NAIP: variants seen among roughly 807,000 people sequenced by gnomAD.
NAIP encodes baculoviral IAP repeat-containing protein 1.
In NAIP, 15 loss-of-function variants were observed where a neutral mutation model predicts 23.0. That is an observed-to-expected ratio of 0.65 (90% confidence interval 0.44 to 1.00). NAIP has a LOEUF of 1.00. Ranked by LOEUF, NAIP falls within the 50% of genes least tolerant of loss-of-function variation. NAIP has a pLI of 0.00. For missense variants in NAIP, 265 were observed against 278.8 expected (o/e 0.95, Z 0.35); for synonymous variants, 100 against 100.2 (o/e 1.00, Z 0.01).
chr5:70,996,786 C>T (rs1166951535), intron 9 of NAIP, among the ~76,000 whole-genome samples: 4 of 127,978 alleles, frequency 3.1e-5, no homozygotes, highest in African/African-American at 1.1e-4. Flanking sequence ...AAGTGAGACT[C>T]CATCTCAAAA....
At chr5:71,013,132 C>T (rs1195363133) in intron 3 of NAIP, among the ~76,000 whole-genome samples, 1 of 151,512 alleles carries the variant, frequency 6.6e-6, no homozygotes, top group Non-Finnish European at 1.5e-5. Context: ...CAGTGCTAGA[C>T]ATTGGGGATC....
At chr5:70,978,212 C>A (rs1464762662) in intron 13 of NAIP, among the ~76,000 whole-genome samples, 1 of 143,182 alleles carries the variant, frequency 7.0e-6, no homozygotes, top group East Asian at 2.1e-4. Context: ...AGTGCAGTGG[C>A]ATGATCATAG....
intron 5 of NAIP, among the ~76,000 whole-genome samples, chr5:71,008,800 A>AC (rs1412715852): frequency 8.7e-6 from 1 of 114,432 alleles, no homozygotes; most frequent in African/African-American, 4.8e-5. Flanking sequence ...TGAGACTGTC[A>AC]CAAAAAAAAA....
chr5:70,996,859 G>A (rs1402120197), intron 9 of NAIP, among the ~76,000 whole-genome samples: 1 of 92,690 alleles, frequency 1.1e-5, no homozygotes, highest in Non-Finnish European at 2.3e-5. Flanking sequence ...AAGTGTTGAT[G>A]AGAAATGGGA....
chr5:71,008,643 A>G (rs1163601822), intron 5 of NAIP, among the ~76,000 whole-genome samples: 1 of 52,560 alleles, frequency 1.9e-5, no homozygotes, highest in East Asian at 6.4e-4. Context: ...CGTCTCTACT[A>G]AAAATACAAA....
chr5:71,014,954 G>T (rs998812063), intron 3 of NAIP, among the ~76,000 whole-genome samples: 9 of 151,688 alleles, frequency 5.9e-5, no homozygotes, highest in African/African-American at 2.2e-4. Context: ...AATCTAAGTT[G>T]TTCCTCATTA....
chr5:71,013,509 G>A (rs1027907886), intron 3 of NAIP, among the ~76,000 whole-genome samples: 23 of 150,532 alleles, frequency 1.5e-4, no homozygotes, highest in Non-Finnish European at 2.2e-4. Context: ...GCGTGGTGGC[G>A]GGCGCCTGTA....
In NAIP at chr5:71,012,500, T is replaced by C; in HGVS notation, c.416A>G (p.Asp139Gly). The C allele has an allele frequency of 1.9e-6, 3 of 1,611,738 alleles. No individual in the cohort carries two copies. The highest frequency in any genetic ancestry group is 2.5e-6 in the Non-Finnish European group (3 of 1,178,462). The change falls in exon 4 of 17, where the codon GAC becomes GGC. Residue 139 changes from aspartate to glycine, a missense_variant. Asp to Gly is a moderately conservative substitution (Grantham distance 94). Transcript: ENST00000517649. ...NKDVGNIAKY[D>G]IRVKNLKSRL... ...GCTCTTCAGATTCTTCACCCTTATGTCGTACTTGGCAATGTTACCAACATC... is the reference window on the plus strand; with the variant it reads ...GCTCTTCAGATTCTTCACCCTTATGCCGTACTTGGCAATGTTACCAACATC...
intron 3 of NAIP, among the ~76,000 whole-genome samples, chr5:71,013,817 C>A (rs1272014886): frequency 2.0e-5 from 3 of 151,258 alleles, no homozygotes; most frequent in Non-Finnish European, 4.4e-5. Flanking sequence ...GCTGACATTG[C>A]TAACATCATT....
chr5:71,012,953 A>G (rs765332217), intron 3 of NAIP, 35 bp from the exon 4 acceptor site: 2 of 1,485,354 alleles, frequency 1.3e-6, no homozygotes, highest in Non-Finnish European at 1.8e-6. Context: ...GATCCCTTAT[A>G]GTAAGATTTT....
chr5:71,013,231 A>T (rs1470806618), intron 3 of NAIP, among the ~76,000 whole-genome samples: 1 of 151,538 alleles, frequency 6.6e-6, no homozygotes, highest in Non-Finnish European at 1.5e-5. Flanking sequence ...ACATGAGCAT[A>T]TACTGAACAT....
chr5:71,010,011 T>C (rs1478247690), intron 5 of NAIP, among the ~76,000 whole-genome samples: 3 of 151,722 alleles, frequency 2.0e-5, no homozygotes, highest in Admixed American at 6.6e-5. Context: ...ATTTGGTATA[T>C]ATTTAGCAGT....
At chr5:70,972,939 T>C (rs1167816861) in intron 16 of NAIP, among the ~76,000 whole-genome samples, 1 of 59,202 alleles carries the variant, frequency 1.7e-5, no homozygotes, top group Non-Finnish European at 3.0e-5. Context: ...CTCGTTCTGT[T>C]GCCCAGGCTG....
intron 4 of NAIP, among the ~76,000 whole-genome samples, chr5:71,011,948 A>G (rs1418591074): frequency 1.3e-5 from 2 of 151,560 alleles, no homozygotes; most frequent in Non-Finnish European, 2.9e-5. Context: ...ACAAACAAAC[A>G]AAACCCTCCA....
In NAIP at chr5:71,012,619, G is replaced by A. The variant is rs538917430; in HGVS notation, c.297C>T (p.Cys99=). ...CGGCACCAAAGAGGATTAGGCTACA[G>A]CAGAAGCACTGAATCCCAGATTTTA... The part of the protein sequence containing the change: ...TGVKSGIQCF[C]CSLILFGAGL... Residue 99 remains cysteine, a synonymous_variant, in exon 4 of 17, where the codon TGC becomes TGT. Transcript: ENST00000517649. The A allele has an allele frequency of 6.8e-6, 11 of 1,611,990 alleles. No homozygotes were observed. The African/African-American group carries it at 9.3e-5, about 14-fold the overall frequency.
At chr5:71,014,443 A>G (rs946566697) in intron 3 of NAIP, among the ~76,000 whole-genome samples, 14 of 151,434 alleles carry the variant, frequency 9.2e-5, no homozygotes, top group Non-Finnish European at 1.5e-4. Flanking sequence ...CACCACACCC[A>G]GCCTAGCCCA....
At chr5:70,996,841 A>T (rs1413109910) in intron 9 of NAIP, among the ~76,000 whole-genome samples, 7 of 110,554 alleles carry the variant, frequency 6.3e-5, no homozygotes, top group Non-Finnish European at 1.4e-4. Context: ...ATTTTTTTAA[A>T]AATAGAAAAG....
chr5:71,016,184 C>A (rs1295027152), intron 3 of NAIP, among the ~76,000 whole-genome samples: 7 of 150,082 alleles, frequency 4.7e-5, no homozygotes, highest in African/African-American at 1.7e-4. Flanking sequence ...GTCCTAACTA[C>A]GTGGGAGGCT....
At chr5:70,996,784 C>T (rs1750691457) in intron 9 of NAIP, among the ~76,000 whole-genome samples, 1 of 129,564 alleles carries the variant, frequency 7.7e-6, no homozygotes, top group Non-Finnish European at 1.7e-5. Context: ...CAAAGTGAGA[C>T]TCCATCTCAA....
Sources: allele counts gnomAD v4.1 joint callset (sites outside exome capture counted in the v4.1 genomes callset), GRCh38; gene constraint gnomAD v4.1.1; transcripts MANE v1.5; gene names NCBI Gene and HGNC (gene_info 2026-07-23, HGNC 2026-07-21).